MAVS: variants seen among roughly 807,000 people sequenced by gnomAD.
MAVS encodes mitochondrial antiviral-signaling protein.
MAVS carries 20 observed loss-of-function variants against 30.2 expected under a neutral mutation model. That is an observed-to-expected ratio of 0.66 (90% CI 0.47 to 0.96). MAVS has a LOEUF of 0.96. Ranked by LOEUF, MAVS falls within the 40% of genes least tolerant of loss-of-function variation. MAVS has a pLI of 0.00. For synonymous variants in MAVS, 278 were observed against 293.9 expected, an observed-to-expected ratio of 0.95 and a Z score of 0.55; for missense variants, 624 against 701.1, an observed-to-expected ratio of 0.89 and a Z score of 1.24.
intron 5 of MAVS, among the ~76,000 whole-genome samples, chr20:3,862,932 G>C (rs992630425): frequency 6.6e-6 from 1 of 152,324 alleles, no homozygotes; most frequent in Non-Finnish European, 1.5e-5. Flanking sequence ...TAGATTCAAG[G>C]AGTAGGGAAA....
At position 3,865,626 on chromosome 20, in the gene MAVS, C is replaced by T. The variant is rs1447340624; in HGVS notation, c.1159-57C>T. 1.4e-6 allele frequency: 2 copies of T among 1,480,596 alleles called. No individual in the cohort carries two copies. Among genetic ancestry groups the T allele is most frequent in the Non-Finnish European group, 9.1e-7 (1 of 1,102,008 alleles). The allele number at this position is 1,480,596 out of a possible 1,614,324, so 91.7% of individuals were successfully genotyped here. A position where few individuals can be genotyped will look rare whatever the true frequency, so the allele number is the denominator to read the frequency against. On this transcript the variant is annotated intron_variant, in intron 6 of 6. Transcript: ENST00000428216. The surrounding 1 kb of genome is among the most constrained non-coding windows in gnomAD (Gnocchi z 4.7). ...CTGGCCTGGGAATGGGACCGCCCTACCAGGTTCGTCTCCCTGCCAACCCCA... is the reference window on the plus strand; with the variant it reads ...CTGGCCTGGGAATGGGACCGCCCTATCAGGTTCGTCTCCCTGCCAACCCCA...
intron 3 of MAVS, among the ~76,000 whole-genome samples, chr20:3,858,782 TC>T (rs2089835986): frequency 6.6e-6 from 1 of 151,078 alleles, no homozygotes; most frequent in African/African-American, 2.4e-5. Flanking sequence ...TCCATGTTTT[TC>T]TTTTCTTTCT....
intron 1 of MAVS, 59 bp from the exon 2 acceptor site, chr20:3,854,499 G>T: frequency 1.2e-5 from 6 of 499,314 alleles, no homozygotes; most frequent in East Asian, 7.9e-5. Flanking sequence ...ATTGCCTTTT[G>T]TCCAGCCCCA....
At chr20:3,856,676 G>A (rs888718133) in intron 2 of MAVS, among the ~76,000 whole-genome samples, 1 of 152,024 alleles carries the variant, frequency 6.6e-6, no homozygotes, top group Non-Finnish European at 1.5e-5. Flanking sequence ...GCTCCTGCAG[G>A]ATTCTGTGGG....
In MAVS at chr20:3,864,325, G is replaced by A. The variant is rs201823260; in HGVS notation, c.695G>A (p.Arg232His). Residue 232 changes from arginine (R) to histidine (H), a missense_variant, in exon 6 of 7, where the codon CGT (arginine) becomes CAT (histidine). Arg to His is a conservative substitution (Grantham distance 29). Transcript: ENST00000428216. ...SPSVSFQPLA[R>H]STPRASRLPG... ...TCTGTCTCCTTCCAGCCCCTGGCCC[G>A]TTCCACCCCCAGGGCAAGCCGCTTG... 77 of 1,613,866 alleles carry A rather than the reference G, an allele frequency of 4.8e-5. No individual in the cohort carries two copies. The highest frequency in any genetic ancestry group is 5.7e-5 in the Non-Finnish European group (67 of 1,179,972).
At position 3,864,630 on chromosome 20, in the gene MAVS, G is replaced by A. The variant is rs770748295; in HGVS notation, c.1000G>A (p.Gly334Ser). The stretch of plus-strand genomic sequence containing the variant: ...GTTGCCAACTAGCTCAAAGCCCCCT[G>A]GTGCAGTGCCTTCTAATGCGCTCAC... ...SKLPTSSKPP[G>S]AVPSNALTNP... Residue 334 changes from glycine to serine, a missense_variant, in exon 6 of 7, where the codon GGT (glycine) becomes AGT (serine). Coordinates refer to ENST00000428216, the MANE Select transcript of MAVS (RefSeq NM_020746.5). 5 of 1,614,068 alleles carry A rather than the reference G, an allele frequency of 3.1e-6. No individual in the cohort carries two copies. Among genetic ancestry groups the A allele is most frequent in the South Asian group, 1.1e-5 (1 of 91,090 alleles).
chr20:3,874,586 G>A lies in MAVS; in HGVS notation c.*8439G>A, dbSNP rs1185772698. On this transcript the variant is annotated 3_prime_UTR_variant, in exon 7 of 7. Coordinates refer to ENST00000428216, the MANE Select transcript of MAVS (RefSeq NM_020746.5). ...CGGACTAACTGGAGGGGCATCTTTGGTTGGTTGGGGGGGTATATTTGGCTT... is the reference window on the plus strand; with the variant it reads ...CGGACTAACTGGAGGGGCATCTTTGATTGGTTGGGGGGGTATATTTGGCTT... The A allele has an allele frequency of 3.2e-5, 6 of 188,092 alleles. No homozygotes were observed. The highest frequency in any genetic ancestry group is 2.0e-3 in the Middle Eastern group (1 of 496). 11.7% of individuals were successfully genotyped at this position (188,092 alleles called of 1,614,324 possible).
In MAVS at chr20:3,854,647, C is replaced by T. The variant is rs139701251; in HGVS notation, c.23C>T (p.Thr8Ile). ...GCAATGCCGTTTGCTGAAGACAAGA[C>T]CTATAAGTATATCTGCCGCAATTTC... is the stretch of plus-strand genomic sequence containing the variant. MPFAEDK[T>I]YKYICRNFSN... The change falls in exon 2 of 7, where the codon ACC (threonine) becomes ATC (isoleucine). Residue 8 changes from threonine to isoleucine, a missense_variant. Transcript: ENST00000428216. 2.5e-6 allele frequency: 4 copies of T among 1,613,606 alleles called. No individual in the cohort carries two copies. The African/African-American group carries it at 5.3e-5, about 22-fold the overall frequency.
intron 2 of MAVS, among the ~76,000 whole-genome samples, chr20:3,856,886 A>G (rs2089815780): frequency 6.6e-6 from 1 of 151,960 alleles, no homozygotes; most frequent in Non-Finnish European, 1.5e-5. Flanking sequence ...ATACAAAAAA[A>G]TTAGCCGGGT....
Position 3,871,668 on chromosome 20 carries a change from C to G in MAVS, c.*5521C>G, listed in dbSNP as rs535142705. The G allele has an allele frequency of 6.6e-5, 10 of 152,496 alleles. No individual in the cohort carries two copies. The South Asian group carries it at 2.1e-3, about 32-fold the overall frequency. The allele number at this position is 152,496 out of a possible 1,614,324, so 9.4% of individuals were successfully genotyped here. On this transcript the variant is annotated 3_prime_UTR_variant, in exon 7 of 7. Transcript: ENST00000428216. ...CTTGAGTCCCACATTTTCCATGATG[C>G]TCCATTAAGCAGCTGATAGCACCCC...
chr20:3,865,708 C>T lies in MAVS; in HGVS notation c.1184C>T (p.Ala395Val), dbSNP rs760672209. The T allele has an allele frequency of 1.2e-6, 2 of 1,609,872 alleles. No individual in the cohort carries two copies. The highest frequency in any genetic ancestry group is 2.2e-5 in the South Asian group (2 of 90,980). ...GAGACCCCAGCAGCTCCAACACCCG[C>T]CGGCGCCACTGGAGGCAGCTCAGCC... ...NEETPAAPTPAGATGGSSAWL... is the reference protein window; with the variant it reads ...NEETPAAPTPVGATGGSSAWL... Residue 395 changes from alanine (A) to valine (V), a missense_variant, in exon 7 of 7, where the codon GCC becomes GTC. Physicochemically the swap from Ala to Val is moderately conservative, Grantham distance 64. Transcript: ENST00000428216. The surrounding 1 kb of genome is among the most constrained non-coding windows in gnomAD (Gnocchi z 4.7).
In MAVS at chr20:3,861,342, C is replaced by T. The variant is rs745862220; in HGVS notation, c.303C>T (p.Asp101=). ...ATCTTTGTCCTCTAGGGACCTCGGA[C>T]CGTCCCCCAGACCCACTGGAGCCAC... is the stretch of plus-strand genomic sequence containing the variant. ...VYQSYQPRTS[D]RPPDPLEPPS... The change falls in exon 4 of 7, where the codon GAC becomes GAT. Residue 101 remains aspartate (D), a synonymous_variant. Transcript: ENST00000428216. The T allele has an allele frequency of 6.2e-7, 1 of 1,612,508 alleles. No individual in the cohort carries two copies. Among genetic ancestry groups the T allele is most frequent in the South Asian group, 1.1e-5 (1 of 90,916 alleles).
chr20:3,860,701 G>A lies in MAVS; in HGVS notation c.293-631G>A, dbSNP rs2089859291. Among the ~76,000 whole-genome samples the A allele has an allele frequency of 2.7e-5, 4 of 150,146 alleles. No individual in the cohort carries two copies. The South Asian group carries it at 8.4e-4, about 32-fold the overall frequency. ...CTTTTTCTTTTTTTCCCCCGAGACG[G>A]AGTCTTGCTCTGTTGCCCAGGCTGG... On this transcript the variant is annotated intron_variant, in intron 3 of 6. Coordinates refer to ENST00000428216, the MANE Select transcript of MAVS (RefSeq NM_020746.5).
chr20:3,849,716 G>C (rs1354547071), intron 1 of MAVS, among the ~76,000 whole-genome samples: 1 of 152,232 alleles, frequency 6.6e-6, no homozygotes, highest in African/African-American at 2.4e-5. Flanking sequence ...CTGTCTCCAG[G>C]GGCTCTGTCT....
chr20:3,856,098 AGG>A (rs1284651615), intron 2 of MAVS, among the ~76,000 whole-genome samples: 48 of 147,942 alleles, frequency 3.2e-4, no homozygotes, highest in African/African-American at 1.2e-3. Flanking sequence ...TCTGTCGCCC[AGG>A]CTGGAGTGCA....
At chr20:3,851,503 C>CAAAAAA (rs57620434) in intron 1 of MAVS, among the ~76,000 whole-genome samples, 1 of 95,666 alleles carries the variant, frequency 1.0e-5, no homozygotes, top group African/African-American at 4.2e-5. Flanking sequence ...GACTCTGTCT[C>CAAAAAA]AAAAAAAAAA....
rs550806797 is a variant in MAVS at position 3,860,108 on chromosome 20, A to C, written c.293-1224A>C. On this transcript the variant is annotated intron_variant, in intron 3 of 6. Coordinates refer to ENST00000428216, the MANE Select transcript of MAVS (RefSeq NM_020746.5). Reference sequence around the variant, plus strand: ...CTGGGATTACAGGCGTGAGCCACCAAGCCCAGCCCTGCTTGTCACTCTTGA... The same window carrying C: ...CTGGGATTACAGGCGTGAGCCACCACGCCCAGCCCTGCTTGTCACTCTTGA... Among the ~76,000 whole-genome samples the C allele has an allele frequency of 2.2e-4, 33 of 151,506 alleles. No individual in the cohort carries two copies. In the East Asian group the frequency reaches 4.1e-3, roughly 19 times the overall value.
chr20:3,862,167 C>T, intron 4 of MAVS, 87 bp from the exon 5 acceptor site: 7 of 1,486,196 alleles, frequency 4.7e-6, no homozygotes, highest in Non-Finnish European at 5.5e-6. Context: ...GGGCTGAGGC[C>T]TATAGGAGAT....
At chr20:3,849,897 G>C (rs1315559123) in intron 1 of MAVS, among the ~76,000 whole-genome samples, 1 of 152,200 alleles carries the variant, frequency 6.6e-6, no homozygotes, top group Non-Finnish European at 1.5e-5. Flanking sequence ...CGGCAGAAAA[G>C]TAACGAGCAA....
Sources: allele counts gnomAD v4.1 joint callset (sites outside exome capture counted in the v4.1 genomes callset), GRCh38; gene constraint gnomAD v4.1.1; non-coding constraint Gnocchi (gnomAD v3.1); transcripts MANE v1.5; gene names NCBI Gene and HGNC (gene_info 2026-07-23, HGNC 2026-07-21).